Variants in NCOR1 observed in about 807,000 individuals in gnomAD.
NCOR1 encodes nuclear receptor corepressor 1.
In NCOR1, 63 loss-of-function variants were observed where a neutral mutation model predicts 288.1. The ratio of observed to expected loss-of-function variants is 0.22; its 90% confidence interval spans 0.18 to 0.27. NCOR1 has a LOEUF of 0.27. Among genes scored for constraint, NCOR1 ranks in the 10% least tolerant of loss-of-function variants. The probability of loss-of-function intolerance (pLI) is 1.00; values close to 1 mark genes in which losing one functional copy is unlikely to be tolerated. For synonymous variants in NCOR1, 1,007 were observed against 1,065.9 expected (o/e 0.94, Z 1.08); for missense variants, 2,397 against 3,019.2 (o/e 0.79, Z 4.83).
chr17:16,146,586 TA>T (rs1429554743), intron 9 of NCOR1, 38 bp from the exon 10 acceptor site: 2 of 1,500,460 alleles, frequency 1.3e-6, no homozygotes, highest in Non-Finnish European at 1.8e-6. Context: ...ATAATTAAAC[TA>T]AACTCTGATT....
At chr17:16,200,495 CAAAAAAAAAA>C (rs55957034) in intron 1 of NCOR1, among the ~76,000 whole-genome samples, 3 of 60,682 alleles carry the variant, frequency 4.9e-5, no homozygotes, top group African/African-American at 1.3e-4. Context: ...GACTCCATCT[CAAAAAAAAAA>C]AAAAAAAAAA....
rs966803077 is a variant in NCOR1, at chr17:16,071,443, C to G, written c.4118G>C (p.Ser1373Thr). 3 of 1,614,020 alleles carry G rather than the reference C, an allele frequency of 1.9e-6. No individual in the cohort carries two copies. In the African/African-American group the frequency reaches 4.0e-5, roughly 22 times the overall value. ...ESRKTPEVVQ[S>T]TRPIIEGSIS... is the part of the protein sequence containing the mutation. ...GGAACCCTCAATTATCGGCCGTGTGCTCTGGACCACTTCTGGAGTTTTCCG... is the reference window on the plus strand; with the variant it reads ...GGAACCCTCAATTATCGGCCGTGTGGTCTGGACCACTTCTGGAGTTTTCCG... Residue 1373 changes from serine to threonine, a missense_variant, in exon 30 of 46, where the codon AGC becomes ACC. Coordinates refer to ENST00000268712, the MANE Select transcript of NCOR1 (RefSeq NM_006311.4).
intron 11 of NCOR1, among the ~76,000 whole-genome samples, chr17:16,142,809 A>G (rs1176219057): frequency 6.6e-6 from 1 of 152,212 alleles, no homozygotes; most frequent in Non-Finnish European, 1.5e-5. Context: ...GTCTGAAGAT[A>G]TATTTGTCAA....
intron 22 of NCOR1, 31 bp downstream of exon 22, chr17:16,091,832 A>T (rs756732655): frequency 1.7e-5 from 28 of 1,613,022 alleles, no homozygotes; most frequent in Non-Finnish European, 2.3e-5. Context: ...CCTTCATAAA[A>T]GTTCTCTTGG....
intron 13 of NCOR1, chr17:16,137,706 A>G (rs2076615844): frequency 4.2e-6 from 1 of 238,140 alleles, no homozygotes; most frequent in Non-Finnish European, 7.9e-6. Context: ...CTGATTACAT[A>G]CATGCAAATT....
chr17:16,107,006 C>G (rs1598714242), intron 19 of NCOR1, among the ~76,000 whole-genome samples: 2 of 149,258 alleles, frequency 1.3e-5, no homozygotes, highest in African/African-American at 2.5e-5. Flanking sequence ...CATTCTCCTG[C>G]CTCAGCCTCC....
At chr17:16,154,774 A>G (rs1386772710) in intron 6 of NCOR1, among the ~76,000 whole-genome samples, 1 of 152,208 alleles carries the variant, frequency 6.6e-6, no homozygotes, top group Non-Finnish European at 1.5e-5. Context: ...GGTTAGAAAG[A>G]AAGGACTGAA....
chr17:16,037,677 A>C (rs2056697960), intron 44 of NCOR1, among the ~76,000 whole-genome samples: 1 of 152,180 alleles, frequency 6.6e-6, no homozygotes, highest in African/African-American at 2.4e-5. Flanking sequence ...CCACACAAAG[A>C]AATAATATGT....
At chr17:16,038,659 A>G (rs540691902) in intron 44 of NCOR1, among the ~76,000 whole-genome samples, 2 of 152,038 alleles carry the variant, frequency 1.3e-5, no homozygotes, top group East Asian at 3.9e-4. Flanking sequence ...GCTGGTCTCA[A>G]ACTCCTGAGC....
At chr17:16,210,729 ATTT>A (rs144734223) in intron 1 of NCOR1, among the ~76,000 whole-genome samples, 2 of 143,446 alleles carry the variant, frequency 1.4e-5, no homozygotes, top group African/African-American at 5.1e-5. Flanking sequence ...ATTCACTCCA[ATTT>A]TTTTTTTTTT....
intron 14 of NCOR1, among the ~76,000 whole-genome samples, chr17:16,128,248 A>T (rs1281225413): frequency 2.0e-5 from 3 of 152,166 alleles, no homozygotes; most frequent in Non-Finnish European, 4.4e-5. Context: ...GCACTTGCAT[A>T]GCTTTCTACC....
intron 1 of NCOR1, 101 bp downstream of exon 1, chr17:16,215,261 C>G (rs1310513676): frequency 7.8e-6 from 3 of 386,994 alleles, no homozygotes; most frequent in South Asian, 1.4e-4. Context: ...CCCCGCCCGG[C>G]GGAGAAACCG....
At chr17:16,155,257 G>A (rs1179096068) in intron 6 of NCOR1, among the ~76,000 whole-genome samples, 4 of 151,416 alleles carry the variant, frequency 2.6e-5, no homozygotes, top group East Asian at 1.9e-4. Context: ...AGGCTGAGGC[G>A]GGAGAATCAC....
chr17:16,149,560 CAATTT>C (rs1568337179), intron 8 of NCOR1, 43 bp from the exon 9 acceptor site: 1 of 985,610 alleles, frequency 1.0e-6, no homozygotes, highest in Non-Finnish European at 1.5e-6. Context: ...AGAAAAAGCA[CAATTT>C]AATAATGCAT....
At chr17:16,066,715 C>G (rs1184502765) in intron 32 of NCOR1, among the ~76,000 whole-genome samples, 1 of 152,182 alleles carries the variant, frequency 6.6e-6, no homozygotes. Flanking sequence ...AGGTATTGGG[C>G]TCCTCTGAAA....
At chr17:16,169,030 T>C (rs1012095120) in intron 4 of NCOR1, among the ~76,000 whole-genome samples, 1 of 151,956 alleles carries the variant, frequency 6.6e-6, no homozygotes, top group Non-Finnish European at 1.5e-5. Flanking sequence ...CCTAAATGTA[T>C]GACAATTGAT....
chr17:16,206,643 C>T (rs1263634206), intron 1 of NCOR1, among the ~76,000 whole-genome samples: 1 of 152,184 alleles, frequency 6.6e-6, no homozygotes. Flanking sequence ...GCCTCGGCCT[C>T]CCAAAGTACT....
At chr17:16,087,335 G>A (rs1014728358) in intron 22 of NCOR1, 12 of 1,303,182 alleles carry the variant, frequency 9.2e-6, no homozygotes, top group Admixed American at 4.6e-5. Context: ...GCATATAGGC[G>A]ACTGATTTTC....
intron 19 of NCOR1, among the ~76,000 whole-genome samples, chr17:16,103,034 C>T (rs984713383): frequency 1.3e-5 from 2 of 152,138 alleles, no homozygotes; most frequent in South Asian, 2.1e-4. Flanking sequence ...TTCCCCATAT[C>T]GTTTATATTG....
Sources: allele counts gnomAD v4.1 joint callset (sites outside exome capture counted in the v4.1 genomes callset), GRCh38; gene constraint gnomAD v4.1.1; transcripts MANE v1.5; gene names NCBI Gene and HGNC (gene_info 2026-07-23, HGNC 2026-07-21).